The following NTRK3 variants were observed in gnomAD, a reference collection of about 807,000 sequenced individuals.
NTRK3 encodes NT-3 growth factor receptor.
Under a neutral mutation model 91.7 loss-of-function variants are expected in NTRK3, and 24 were observed. The observed-to-expected ratio is 0.26, with a 90% confidence interval of 0.19 to 0.37. The LOEUF (loss-of-function observed/expected upper bound fraction) is 0.37. Among genes scored for constraint, NTRK3 ranks in the 10% least tolerant of loss-of-function variants. The pLI, the probability that NTRK3 is intolerant of heterozygous loss-of-function variation, is 1.00. For missense variants in NTRK3, 880 were observed against 1,068.9 expected, an observed-to-expected ratio of 0.82 and a Z score of 2.46; for synonymous variants, 483 against 404.0, an observed-to-expected ratio of 1.20 and a Z score of -2.34.
At chr15:87,904,150 A>G (rs1487536399) in intron 17 of NTRK3, among the ~76,000 whole-genome samples, 1 of 116,610 alleles carries the variant, frequency 8.6e-6, no homozygotes, top group Non-Finnish European at 1.7e-5. Flanking sequence ...AAACTACAAT[A>G]AGCATTTTTT....
At chr15:88,157,006 C>A (rs2043967202) in intron 5 of NTRK3, among the ~76,000 whole-genome samples, 1 of 152,118 alleles carries the variant, frequency 6.6e-6, no homozygotes, top group African/African-American at 2.4e-5. Flanking sequence ...GAGACCTCAG[C>A]AGAAAAAGGC....
At chr15:88,217,683 A>T (rs2049901740) in intron 3 of NTRK3, among the ~76,000 whole-genome samples, 1 of 152,158 alleles carries the variant, frequency 6.6e-6, no homozygotes, top group South Asian at 2.1e-4. Flanking sequence ...TTACACAGCA[A>T]TGTGGATGTG....
chr15:88,101,181 A>C (rs1168139226), intron 13 of NTRK3, among the ~76,000 whole-genome samples: 1 of 152,226 alleles, frequency 6.6e-6, no homozygotes, highest in Non-Finnish European at 1.5e-5. Context: ...AAAAAAACAA[A>C]CAACCCCATC....
intron 3 of NTRK3, among the ~76,000 whole-genome samples, chr15:88,248,287 AG>A (rs2053029307): frequency 6.6e-6 from 1 of 152,198 alleles, no homozygotes; most frequent in Non-Finnish European, 1.5e-5. Context: ...TGTTGGGAAC[AG>A]GTCAGAAGGA....
intron 5 of NTRK3, among the ~76,000 whole-genome samples, chr15:88,171,908 G>A (rs2045555797): frequency 6.6e-6 from 1 of 152,246 alleles, no homozygotes; most frequent in South Asian, 2.1e-4. Context: ...TGCCCCCATG[G>A]GGCGTACACA....
intron 14 of NTRK3, among the ~76,000 whole-genome samples, chr15:87,988,274 C>G (rs1403251168): frequency 6.6e-6 from 1 of 152,134 alleles, no homozygotes; most frequent in African/African-American, 2.4e-5. Context: ...TCAAGGTAAT[C>G]AAGGACAAGG....
intron 17 of NTRK3, among the ~76,000 whole-genome samples, chr15:87,887,627 A>G (rs2065625794): frequency 6.6e-6 from 1 of 152,194 alleles, no homozygotes; most frequent in Non-Finnish European, 1.5e-5. Context: ...TCTTCCTCCA[A>G]GGTGACCAAT....
exon 19 of NTRK3, chr15:87,873,047 ACTT>A: frequency 4.3e-6 from 1 of 232,876 alleles, no homozygotes. Context: ...ACTCACTTCT[ACTT>A]CTGAGTTGAG....
At position 88,235,404 on chromosome 15, in the gene NTRK3, C is replaced by T. The variant is rs752222113; in HGVS notation, c.248+20502G>A. 1.9e-4 allele frequency among the ~76,000 whole-genome samples: 29 copies of T among 152,188 alleles called. No individual in the cohort carries two copies. The highest frequency in any genetic ancestry group is 3.5e-4 in the Non-Finnish European group (24 of 68,042). On this transcript the variant is annotated intron_variant, in intron 3 of 18. Transcript: ENST00000394480. This position sits in a 1 kb window ranked among gnomAD's most constrained non-coding sequence, Gnocchi z 5.2. ...GGACACTCACTGGTCTCGGCCTTCC[C>T]GGAACCCACATCTGAGCACTCAGCA...
rs10852090 is a variant in NTRK3, at chr15:87,895,462, T to A, written c.2134-15034A>T. The stretch of plus-strand genomic sequence containing the variant: ...ATCACATGGGTTTTATTTAACCTTG[T>A]ATATCATGACTTATTTTCCAATCTG... On this transcript the variant is annotated intron_variant, in intron 17 of 18. Coordinates refer to ENST00000394480, the Ensembl canonical transcript of NTRK3. 3.9e-5 allele frequency among the ~76,000 whole-genome samples: 6 copies of A among 152,156 alleles called. No homozygotes were observed. The East Asian group carries it at 1.2e-3, about 29-fold the overall frequency.
At position 88,027,513 on chromosome 15, in the gene NTRK3, G is replaced by A. The variant is rs532214229; in HGVS notation, c.1585+5344C>T. On this transcript the variant is annotated intron_variant, in intron 14 of 18. Coordinates refer to ENST00000394480, the Ensembl canonical transcript of NTRK3. ...TTCTCCTGCCTCAGCCTCCCGAGTA[G>A]CTGGGACTACAGGCACCTGCCACCA... Among the ~76,000 whole-genome samples, 7 of 152,282 alleles carry A rather than the reference G, an allele frequency of 4.6e-5. No homozygotes were observed. The South Asian group carries it at 1.5e-3, about 32-fold the overall frequency.
intron 5 of NTRK3, among the ~76,000 whole-genome samples, chr15:88,154,905 T>A (rs894948985): frequency 1.3e-5 from 2 of 152,200 alleles, no homozygotes; most frequent in African/African-American, 4.8e-5. Context: ...CATAGAATCT[T>A]CTCCATGGAG....
chr15:88,149,458 C>G (rs995443448), intron 5 of NTRK3, among the ~76,000 whole-genome samples: 1 of 152,208 alleles, frequency 6.6e-6, no homozygotes, highest in African/African-American at 2.4e-5. Flanking sequence ...ACACTGTCAC[C>G]AACCGCCTCT....
chr15:87,985,482 C>T (rs1310352204), intron 14 of NTRK3, among the ~76,000 whole-genome samples: 1 of 152,068 alleles, frequency 6.6e-6, no homozygotes, highest in Non-Finnish European at 1.5e-5. Context: ...CCAAAATGTC[C>T]CTGTTGTATA....
intron 14 of NTRK3, among the ~76,000 whole-genome samples, chr15:87,975,286 A>G (rs1350788931): frequency 1.3e-5 from 2 of 152,026 alleles, no homozygotes; most frequent in African/African-American, 4.8e-5. Context: ...ACAAGATCTT[A>G]TTGGTACAGT....
chr15:88,189,400 T>A (rs2047205074), intron 3 of NTRK3, among the ~76,000 whole-genome samples: 1 of 150,038 alleles, frequency 6.7e-6, no homozygotes, highest in South Asian at 2.1e-4. Context: ...TGTGCTAGAA[T>A]AAATTAGATT....
chr15:87,896,745 G>T (rs1235084621), intron 17 of NTRK3, among the ~76,000 whole-genome samples: 1 of 152,114 alleles, frequency 6.6e-6, no homozygotes, highest in East Asian at 1.9e-4. Flanking sequence ...CCTCGCCCCA[G>T]TTATGGAAAC....
At chr15:87,946,091 G>GA (rs2070467703) in intron 14 of NTRK3, 1 of 152,162 alleles carries the variant, frequency 6.6e-6, no homozygotes, top group Non-Finnish European at 1.5e-5. Context: ...ATCGTGGCTT[G>GA]AAAAGAAATG....
chr15:88,076,708 C>T (rs184094679), intron 13 of NTRK3, among the ~76,000 whole-genome samples: 16 of 146,702 alleles, frequency 1.1e-4, no homozygotes, highest in African/African-American at 2.8e-4. Context: ...AAAGCTGTGA[C>T]GAATGCAATG....
Sources: allele counts gnomAD v4.1 joint callset (sites outside exome capture counted in the v4.1 genomes callset), GRCh38; gene constraint gnomAD v4.1.1; non-coding constraint Gnocchi (gnomAD v3.1); transcripts MANE v1.5; gene names NCBI Gene and HGNC (gene_info 2026-07-23, HGNC 2026-07-21).